DLGAP2: variants seen among roughly 807,000 people sequenced by gnomAD.
The protein encoded by DLGAP2 is DLG associated protein 2, also known as disks large-associated protein 2.
A neutral mutation model predicts 100.3 loss-of-function variants in DLGAP2; 26 were observed. The ratio of observed to expected loss-of-function variants is 0.26; its 90% CI spans 0.19 to 0.36. The LOEUF (loss-of-function observed/expected upper bound fraction) is 0.36, where lower values mean the gene tolerates loss of function less well. Ranked by LOEUF, DLGAP2 falls within the 10% of genes least tolerant of loss-of-function variation. The pLI is 1.00. For missense variants in DLGAP2, 1,858 were observed against 1,453.2 expected (o/e 1.28, Z -4.53); for synonymous variants, 886 against 630.1 (o/e 1.41, Z -6.08).
chr8:1,681,250 C>G (rs1798936429), intron 12 of DLGAP2, among the ~76,000 whole-genome samples: 4 of 152,128 alleles, frequency 2.6e-5, no homozygotes, highest in African/African-American at 9.7e-5. Flanking sequence ...GAGACTACTT[C>G]TCCTGTCATC....
chr8:1,629,838 A>T (rs940832007), intron 7 of DLGAP2, among the ~76,000 whole-genome samples: 12 of 152,380 alleles, frequency 7.9e-5, no homozygotes, highest in Non-Finnish European at 1.8e-4. Flanking sequence ...CTTATGAAAC[A>T]TTCAGAGGCT....
At chr8:927,878 C>G (rs1798853221) in intron 2 of DLGAP2, among the ~76,000 whole-genome samples, 1 of 152,176 alleles carries the variant, frequency 6.6e-6, no homozygotes, top group Non-Finnish European at 1.5e-5. Context: ...CAAAAAAACC[C>G]CACAAAGGAC....
At chr8:812,655 A>C (rs1029874046) in intron 1 of DLGAP2, among the ~76,000 whole-genome samples, 1 of 152,228 alleles carries the variant, frequency 6.6e-6, no homozygotes, top group Non-Finnish European at 1.5e-5. Context: ...AATCAAATAG[A>C]TGAAATTATT....
intron 2 of DLGAP2, among the ~76,000 whole-genome samples, chr8:1,025,190 G>C (rs957389206): frequency 5.9e-5 from 9 of 152,094 alleles, no homozygotes; most frequent in Non-Finnish European, 1.2e-4. Context: ...TGCATTGTTT[G>C]GGTTGCCCTA....
intron 3 of DLGAP2, among the ~76,000 whole-genome samples, chr8:1,326,103 G>A (rs6558449): frequency 3.9e-5 from 6 of 151,958 alleles, no homozygotes; most frequent in Non-Finnish European, 8.8e-5. Context: ...TTTCTTCTTC[G>A]ATGGTTTCTT....
chr8:1,216,412 A>C (rs1272111911), intron 2 of DLGAP2, among the ~76,000 whole-genome samples: 2 of 151,768 alleles, frequency 1.3e-5, no homozygotes, highest in Non-Finnish European at 2.9e-5. Context: ...GCAGTGGCTC[A>C]ATCTTGGCTC....
intron 3 of DLGAP2, among the ~76,000 whole-genome samples, chr8:1,334,515 T>G (rs1801227656): frequency 6.6e-6 from 1 of 152,202 alleles, no homozygotes; most frequent in Admixed American, 6.5e-5. Context: ...GCCACTGGTA[T>G]GATTCCTAAA....
chr8:1,465,904 G>A (rs1415455566), intron 3 of DLGAP2, among the ~76,000 whole-genome samples: 1 of 152,176 alleles, frequency 6.6e-6, no homozygotes, highest in Non-Finnish European at 1.5e-5. Context: ...TATGGCCAAC[G>A]CCATGACAGA....
intron 3 of DLGAP2, among the ~76,000 whole-genome samples, chr8:1,356,841 G>T (rs1445818704): frequency 6.6e-6 from 1 of 152,214 alleles, no homozygotes; most frequent in Non-Finnish European, 1.5e-5. Context: ...TAACACTACA[G>T]TAAGGATAAC....
intron 2 of DLGAP2, among the ~76,000 whole-genome samples, chr8:1,177,811 C>G (rs1448474193): frequency 6.6e-6 from 1 of 152,174 alleles, no homozygotes; most frequent in Non-Finnish European, 1.5e-5. Flanking sequence ...GGTGAGGGAG[C>G]TCTCCAGGGC....
intron 6 of DLGAP2, among the ~76,000 whole-genome samples, chr8:1,620,793 G>A (rs537864191): frequency 3.9e-5 from 6 of 152,288 alleles, no homozygotes; most frequent in Non-Finnish European, 7.4e-5. Context: ...CACAGGGACC[G>A]TCCTGAGCTC....
chr8:1,240,642 C>G (rs1281448535), intron 2 of DLGAP2, among the ~76,000 whole-genome samples: 18 of 150,630 alleles, frequency 1.2e-4, no homozygotes, highest in African/African-American at 4.4e-4. Flanking sequence ...ACGTCTAGTT[C>G]TCTCTCACAC....
At chr8:1,285,879 G>T (rs867700007) in intron 3 of DLGAP2, among the ~76,000 whole-genome samples, 1 of 152,178 alleles carries the variant, frequency 6.6e-6, no homozygotes, top group Non-Finnish European at 1.5e-5. Flanking sequence ...GATTACCTGA[G>T]CCCAGAAGGT....
chr8:1,306,587 C>G (rs1800497122), intron 3 of DLGAP2, among the ~76,000 whole-genome samples: 2 of 152,110 alleles, frequency 1.3e-5, no homozygotes, highest in South Asian at 4.1e-4. Flanking sequence ...ATACTCAAAA[C>G]AATCTTGAAA....
chr8:966,376 T>C (rs1466901438), intron 2 of DLGAP2, among the ~76,000 whole-genome samples: 2 of 152,182 alleles, frequency 1.3e-5, no homozygotes, highest in African/African-American at 4.8e-5. Flanking sequence ...TTTTTTAAAA[T>C]ATCATTTAAA....
chr8:1,592,275 C>G (rs902827480), intron 6 of DLGAP2, among the ~76,000 whole-genome samples: 2 of 152,178 alleles, frequency 1.3e-5, no homozygotes, highest in Admixed American at 1.3e-4. Context: ...TCTTATTAGT[C>G]TAAGGTTGAT....
At chr8:1,182,650 T>A (rs965765795) in intron 2 of DLGAP2, among the ~76,000 whole-genome samples, 3 of 152,228 alleles carry the variant, frequency 2.0e-5, no homozygotes, top group South Asian at 2.1e-4. Flanking sequence ...CTGTGACCTC[T>A]GCGTGGTGAG....
chr8:1,549,113 G>A lies in DLGAP2; in HGVS notation c.660G>A (p.Glu220=), dbSNP rs1801664185. ...ACCAGAGGACGTCCGCGGCCGCCGAGCAGCGCAGCGAGAGCCCCGGGCGGA... is the reference window on the plus strand; with the variant it reads ...ACCAGAGGACGTCCGCGGCCGCCGAACAGCGCAGCGAGAGCCCCGGGCGGA... ...LQYQRTSAAA[E]QRSESPGRIR... The change falls in exon 5 of 15, where the codon GAG becomes GAA. Residue 220 remains glutamate (E), a synonymous_variant. Coordinates refer to ENST00000637795, the MANE Select transcript of DLGAP2 (RefSeq NM_001346810.2). 5 of 1,586,676 alleles carry A rather than the reference G, an allele frequency of 3.2e-6. No homozygotes were observed. Among genetic ancestry groups the A allele is most frequent in the African/African-American group, 2.7e-5 (2 of 74,448 alleles).
intron 2 of DLGAP2, among the ~76,000 whole-genome samples, chr8:1,119,260 T>G (rs984527680): frequency 6.6e-6 from 1 of 152,232 alleles, no homozygotes; most frequent in Non-Finnish European, 1.5e-5. Flanking sequence ...GTAGGACTAC[T>G]TTTATTTCAG....
Sources: allele counts gnomAD v4.1 joint callset (sites outside exome capture counted in the v4.1 genomes callset), GRCh38; gene constraint gnomAD v4.1.1; transcripts MANE v1.5; gene names NCBI Gene and HGNC (gene_info 2026-07-23, HGNC 2026-07-21).